The following PAX3 variants were observed in gnomAD, a reference collection of about 807,000 sequenced individuals.
The protein encoded by PAX3 is paired box protein Pax-3.
In PAX3, 14 loss-of-function variants were observed where a neutral mutation model predicts 51.6. That is an observed-to-expected ratio of 0.27 (90% CI 0.18 to 0.42). The LOEUF is 0.42. Ranked by LOEUF, PAX3 falls within the 10% of genes least tolerant of loss-of-function variation. PAX3 has a pLI of 1.00. For missense variants in PAX3, 540 were observed against 642.8 expected, an observed-to-expected ratio of 0.84 and a Z score of 1.73; for synonymous variants, 280 against 253.4, an observed-to-expected ratio of 1.11 and a Z score of -1.00.
At chr2:222,271,528 T>A (rs1400289194) in intron 4 of PAX3, among the ~76,000 whole-genome samples, 2 of 152,228 alleles carry the variant, frequency 1.3e-5, no homozygotes, top group Admixed American at 1.3e-4. Context: ...AAAGTATTTT[T>A]ACACTCACTA....
intron 4 of PAX3, among the ~76,000 whole-genome samples, chr2:222,284,204 T>C (rs1440556614): frequency 1.3e-5 from 2 of 152,020 alleles, no homozygotes; most frequent in African/African-American, 4.8e-5. Context: ...TTAAGAACAA[T>C]GAAGCAGGCT....
rs1215921899 is a variant in PAX3, at chr2:222,239,276, C to T, written c.587-6993G>A. Reference sequence around the variant, plus strand: ...GGGTTCTGACACCTGCCTGGCAGGGCGCAGGAGACACAAAGAAAGCTGGAG... The same window carrying T: ...GGGTTCTGACACCTGCCTGGCAGGGTGCAGGAGACACAAAGAAAGCTGGAG... On this transcript the variant is annotated intron_variant, in intron 4 of 8. Transcript: ENST00000392070. Among the ~76,000 whole-genome samples, 5 of 151,370 alleles carry T rather than the reference C, an allele frequency of 3.3e-5. No homozygotes were observed. The South Asian group carries it at 1.0e-3, about 32-fold the overall frequency.
At chr2:222,250,978 A>G (rs1276615818) in intron 4 of PAX3, among the ~76,000 whole-genome samples, 4 of 152,212 alleles carry the variant, frequency 2.6e-5, no homozygotes, top group African/African-American at 7.2e-5. Flanking sequence ...GCACATTTGC[A>G]TTTAAAGAAT....
At chr2:222,260,570 T>G (rs1574708235) in intron 4 of PAX3, among the ~76,000 whole-genome samples, 8 of 74,812 alleles carry the variant, frequency 1.1e-4, no homozygotes, top group East Asian at 5.2e-4. Flanking sequence ...TTTTTGTTTT[T>G]TTTTTTTGTT....
chr2:222,202,760 T>C (rs1691350488), intron 7 of PAX3, among the ~76,000 whole-genome samples: 1 of 151,348 alleles, frequency 6.6e-6, no homozygotes, highest in Non-Finnish European at 1.5e-5. Context: ...TCTTTGATAA[T>C]TAGAAATATT....
chr2:222,291,990 G>GTC (rs1421285851), intron 4 of PAX3, among the ~76,000 whole-genome samples: 2 of 151,136 alleles, frequency 1.3e-5, no homozygotes, highest in Non-Finnish European at 3.0e-5. Context: ...GTGTGTGTGT[G>GTC]TGTGTGTGTG....
chr2:222,253,561 C>T (rs1052747501), intron 4 of PAX3, among the ~76,000 whole-genome samples: 2 of 151,296 alleles, frequency 1.3e-5, no homozygotes, highest in African/African-American at 4.8e-5. Context: ...AACATACATA[C>T]ATTTAGACAT....
Position 222,298,879 on chromosome 2 carries a change from C to T in PAX3, c.-264G>A. 1 of 560,328 alleles carries T rather than the reference C, an allele frequency of 1.8e-6. No individual in the cohort carries two copies. The highest frequency in any genetic ancestry group is 3.2e-6 in the Non-Finnish European group (1 of 312,006). 34.7% of individuals were successfully genotyped at this position (560,328 alleles called of 1,614,324 possible). A position where few individuals can be genotyped will look rare whatever the true frequency, so the allele number is the denominator to read the frequency against. ...CGGAAAAGTTTGGTACGAGTCTGGG[C>T]AAATGTTCCAGCGACTGGGGTCCCT... is the stretch of plus-strand genomic sequence containing the variant. On this transcript the variant is annotated 5_prime_UTR_variant, in exon 1 of 9. Transcript: ENST00000392070.
intron 4 of PAX3, among the ~76,000 whole-genome samples, chr2:222,286,453 T>C (rs1559310296): frequency 6.6e-6 from 1 of 152,228 alleles, no homozygotes. Flanking sequence ...TGAGTTCTAA[T>C]CTGTTTTGCT....
chr2:222,216,948 G>A (rs1400149859), intron 7 of PAX3, among the ~76,000 whole-genome samples: 1 of 152,134 alleles, frequency 6.6e-6, no homozygotes, highest in East Asian at 1.9e-4. Flanking sequence ...GAGATCTACA[G>A]TGAACTGATC....
chr2:222,220,539 C>T (rs1559263789), intron 6 of PAX3, among the ~76,000 whole-genome samples, 185 bp from the exon 7 acceptor site: 1 of 152,156 alleles, frequency 6.6e-6, no homozygotes, highest in Non-Finnish European at 1.5e-5. Flanking sequence ...TCACACCTAT[C>T]TCTGCACATA....
At chr2:222,295,718 C>G in intron 2 of PAX3, 61 bp from the exon 3 acceptor site, 1 of 1,598,940 alleles carries the variant, frequency 6.3e-7, no homozygotes, top group Non-Finnish European at 8.6e-7. Flanking sequence ...TGGCGGCGGC[C>G]CCACCGCCTC....
At chr2:222,238,143 C>T (rs1692869316) in intron 4 of PAX3, among the ~76,000 whole-genome samples, 1 of 152,140 alleles carries the variant, frequency 6.6e-6, no homozygotes, top group South Asian at 2.1e-4. Flanking sequence ...AACTGTCATA[C>T]CCCCACAGGA....
intron 7 of PAX3, among the ~76,000 whole-genome samples, chr2:222,217,198 A>C (rs1208554492): frequency 6.6e-6 from 1 of 152,190 alleles, no homozygotes; most frequent in Non-Finnish European, 1.5e-5. Context: ...CTTTTTAAGC[A>C]AATTTTTTTT....
chr2:222,274,682 C>T (rs961297253), intron 4 of PAX3, among the ~76,000 whole-genome samples: 1 of 152,036 alleles, frequency 6.6e-6, no homozygotes, highest in Non-Finnish European at 1.5e-5. Flanking sequence ...AATAACAACT[C>T]TTCTTCGAAC....
intron 4 of PAX3, among the ~76,000 whole-genome samples, chr2:222,291,343 A>G (rs896815871): frequency 6.6e-6 from 1 of 152,136 alleles, no homozygotes; most frequent in African/African-American, 2.4e-5. Context: ...CTCCTGGGCT[A>G]TGGAGCTGGA....
intron 4 of PAX3, chr2:222,264,540 G>A (rs1693975425): frequency 6.6e-6 from 1 of 152,058 alleles, no homozygotes; most frequent in African/African-American, 2.4e-5. Flanking sequence ...TTAATTTTGT[G>A]TTACGCAAGT....
At chr2:222,279,299 C>CTGTG (rs1553587561) in intron 4 of PAX3, among the ~76,000 whole-genome samples, 1 of 87,430 alleles carries the variant, frequency 1.1e-5, no homozygotes, top group South Asian at 6.1e-4. Context: ...GAGTGCAAGC[C>CTGTG]TGTGCGTGTG....
At chr2:222,275,715 TTTCTTACA>T (rs1694396499) in intron 4 of PAX3, among the ~76,000 whole-genome samples, 1 of 152,212 alleles carries the variant, frequency 6.6e-6, no homozygotes, top group African/African-American at 2.4e-5. Context: ...AAAAAAAATA[TTTCTTACA>T]TTCTTTCCAA....
Sources: gnomAD v4.1 joint callset for allele counts (sites outside exome capture counted in the v4.1 genomes callset) on GRCh38, gnomAD v4.1.1 for gene constraint, MANE v1.5 for transcripts, NCBI Gene and HGNC (gene_info 2026-07-23, HGNC 2026-07-21) for gene names.